Variants in PKD1L3 observed in about 807,000 individuals in gnomAD.
The protein encoded by PKD1L3 is polycystin-1-like protein 3.
Under a neutral mutation model 184.1 loss-of-function variants are expected in PKD1L3, and 239 were observed. That is an observed-to-expected ratio of 1.30 (90% CI 1.17 to 1.45). PKD1L3 has a LOEUF of 1.45. Among genes scored for constraint, PKD1L3 ranks in the 40% most tolerant of loss-of-function variants. The pLI, the probability that PKD1L3 is intolerant of heterozygous loss-of-function variation, is 0.00. For missense variants in PKD1L3, 2,660 were observed against 2,067.2 expected, an observed-to-expected ratio of 1.29 and a Z score of -5.56; for synonymous variants, 996 against 778.8, an observed-to-expected ratio of 1.28 and a Z score of -4.64.
intron 2 of PKD1L3, among the ~76,000 whole-genome samples, chr16:71,994,061 C>T (rs548178878): frequency 1.3e-5 from 2 of 152,374 alleles, no homozygotes; most frequent in East Asian, 3.9e-4. Context: ...TGAGCCACCA[C>T]GCCCGTCTGG....
At chr16:71,996,151 C>G (rs1306627845) in intron 2 of PKD1L3, among the ~76,000 whole-genome samples, 1 of 150,516 alleles carries the variant, frequency 6.6e-6, no homozygotes, top group Non-Finnish European at 1.5e-5. Flanking sequence ...CCAAGGGTAA[C>G]ATCTTGCAAG....
chr16:71,933,505 C>G lies in PKD1L3; in HGVS notation c.4841G>C (p.Gly1614Ala), dbSNP rs2038064803. Residue 1614 changes from glycine to alanine, a missense_variant, in exon 28 of 30, where the codon GGA (glycine) becomes GCA (alanine). Gly to Ala is a moderately conservative substitution (Grantham distance 60). Transcript: ENST00000620267. The part of the protein sequence containing the change: ...GYAIAFNLLF[G>A]CSISDYRTFF... Reference sequence around the variant, plus strand: ...TGTCCGGTAGTCAGAGATGCTGCATCCAAACAGCAGGTTAAACTGAACAGA... The same window carrying G: ...TGTCCGGTAGTCAGAGATGCTGCATGCAAACAGCAGGTTAAACTGAACAGA... 1 of 1,551,144 alleles carries G rather than the reference C, an allele frequency of 6.4e-7. No individual in the cohort carries two copies. The highest frequency in any genetic ancestry group is 8.7e-7 in the Non-Finnish European group (1 of 1,146,406).
chr16:71,961,507 G>A (rs1391035413), intron 16 of PKD1L3, among the ~76,000 whole-genome samples: 1 of 152,072 alleles, frequency 6.6e-6, no homozygotes, highest in African/African-American at 2.4e-5. Flanking sequence ...CATTCTGGAG[G>A]GAGACAGCCA....
In PKD1L3 at chr16:71,969,895, C is replaced by T. The variant is rs900276228; in HGVS notation, c.2164G>A (p.Asp722Asn). ...VITVVWARKK[D>N]QADMQKVKVT... ...ATTACCTTCTGCATATCTGCTTGAT[C>T]CTTTTTCCGAGCCCACACAACTGTG... The change falls in exon 13 of 30, where the codon GAT becomes AAT. Residue 722 changes from aspartate to asparagine, a missense_variant. Coordinates refer to ENST00000620267, the MANE Select transcript of PKD1L3 (RefSeq NM_181536.2). 6.5e-7 allele frequency: 1 copy of T among 1,550,196 alleles called. No individual in the cohort carries two copies.
intron 6 of PKD1L3, among the ~76,000 whole-genome samples, chr16:71,982,773 T>A (rs1199037282): frequency 6.6e-6 from 1 of 151,886 alleles, no homozygotes; most frequent in Non-Finnish European, 1.5e-5. Context: ...TAAAAATTTT[T>A]TGTAGAGGCA....
chr16:71,953,715 C>G (rs540016662), intron 17 of PKD1L3, among the ~76,000 whole-genome samples: 14 of 152,194 alleles, frequency 9.2e-5, no homozygotes, highest in African/African-American at 2.7e-4. Flanking sequence ...CATCAGATCT[C>G]ATGAGAACTC....
At position 71,943,361 on chromosome 16, in the gene PKD1L3, A is replaced by AC. The variant is rs762460486; in HGVS notation, c.3860-338dup. On this transcript the variant is annotated intron_variant, in intron 23 of 29. Coordinates refer to ENST00000620267, the MANE Select transcript of PKD1L3 (RefSeq NM_181536.2). Reference sequence around the variant, plus strand: ...AGACCAGCCTGACCAACATAGTAAAACCCCCCCATCTACTAGAAATACAAA... The same window carrying AC: ...AGACCAGCCTGACCAACATAGTAAAACCCCCCCCATCTACTAGAAATACAAA... Among the ~76,000 whole-genome samples, 113 of 151,012 alleles carry AC rather than the reference A, an allele frequency of 7.5e-4. 1 individual carries two copies. The highest frequency in any genetic ancestry group is 1.5e-3 in the African/African-American group (61 of 41,128).
chr16:71,991,586 C>T (rs1265582250), intron 3 of PKD1L3, among the ~76,000 whole-genome samples: 7 of 152,000 alleles, frequency 4.6e-5, no homozygotes, highest in Non-Finnish European at 5.9e-5. Flanking sequence ...GTGATAAATA[C>T]GAAACCATTC....
At chr16:71,953,203 A>C in intron 17 of PKD1L3, 110 bp from the exon 18 acceptor site, 1 of 911,294 alleles carries the variant, frequency 1.1e-6, no homozygotes, top group Non-Finnish European at 1.6e-6. Flanking sequence ...ACGTTTATCT[A>C]GAGATAAAAT....
intron 17 of PKD1L3, 89 bp downstream of exon 17, chr16:71,954,016 G>C: frequency 3.4e-6 from 4 of 1,166,854 alleles, no homozygotes; most frequent in Non-Finnish European, 4.6e-6. Context: ...AGGAGTTCTA[G>C]ACCAGCCTGG....
intron 15 of PKD1L3, among the ~76,000 whole-genome samples, chr16:71,963,626 A>G: frequency 6.6e-6 from 1 of 152,124 alleles, no homozygotes; most frequent in Non-Finnish European, 1.5e-5. Flanking sequence ...TACAAAATAT[A>G]TAAAAATTAG....
intron 24 of PKD1L3, among the ~76,000 whole-genome samples, chr16:71,941,581 C>CTTTTTTTTTTTTT: frequency 9.8e-6 from 1 of 102,218 alleles, no homozygotes; most frequent in Non-Finnish European, 1.9e-5. Context: ...CTATGACATT[C>CTTTTTTTTTTTTT]TTTTTTTTTT....
At chr16:71,950,731 TTC>T (rs937658795) in intron 19 of PKD1L3, among the ~76,000 whole-genome samples, 8 of 103,188 alleles carry the variant, frequency 7.8e-5, no homozygotes, top group South Asian at 7.4e-4. Context: ...TTTTTTGTAT[TTC>T]TCTCTTTTTT....
At chr16:71,954,743 G>A (rs1032557669) in intron 16 of PKD1L3, among the ~76,000 whole-genome samples, 1 of 152,158 alleles carries the variant, frequency 6.6e-6, no homozygotes, top group Admixed American at 6.6e-5. Context: ...AGACTTTGCT[G>A]GGCTTAAACA....
chr16:71,973,963 C>G (rs1235086242), intron 11 of PKD1L3, among the ~76,000 whole-genome samples: 1 of 149,308 alleles, frequency 6.7e-6, no homozygotes, highest in African/African-American at 2.5e-5. Flanking sequence ...AATCGCACCA[C>G]TATACTCTAG....
intron 28 of PKD1L3, chr16:71,930,729 A>G (rs1184754523): frequency 6.6e-6 from 1 of 152,148 alleles, no homozygotes; most frequent in Non-Finnish European, 1.5e-5. Flanking sequence ...GCATACATAA[A>G]TATCAAGTTC....
intron 24 of PKD1L3, among the ~76,000 whole-genome samples, chr16:71,941,111 T>C (rs2038344588): frequency 6.6e-6 from 1 of 152,120 alleles, no homozygotes; most frequent in Non-Finnish European, 1.5e-5. Flanking sequence ...GTGCTGGGAT[T>C]ATAGGCTTGA....
chr16:71,994,672 C>A (rs1295400022), intron 2 of PKD1L3, among the ~76,000 whole-genome samples: 2 of 152,050 alleles, frequency 1.3e-5, no homozygotes. Flanking sequence ...CTTCTCCTCC[C>A]CTCTTTTTCC....
At chr16:71,986,169 GT>G in intron 5 of PKD1L3, 51 bp downstream of exon 5, 1 of 1,540,084 alleles carries the variant, frequency 6.5e-7, no homozygotes, top group East Asian at 2.4e-5. Context: ...GGTGAACCAA[GT>G]ACTTTTTGGG....
Sources: gnomAD v4.1 joint callset for allele counts (sites outside exome capture counted in the v4.1 genomes callset) on GRCh38, gnomAD v4.1.1 for gene constraint, MANE v1.5 for transcripts, NCBI Gene and HGNC (gene_info 2026-07-23, HGNC 2026-07-21) for gene names.